MTUS2: variants seen among roughly 807,000 people sequenced by gnomAD.
MTUS2 encodes the protein microtubule-associated tumor suppressor candidate 2.
A neutral mutation model predicts 114.1 loss-of-function variants in MTUS2; 40 were observed. That is an observed-to-expected ratio of 0.35 (90% confidence interval 0.27 to 0.46). The LOEUF (loss-of-function observed/expected upper bound fraction) is 0.46. MTUS2 is among the 20% of genes least tolerant of loss of function. MTUS2 has a pLI of 1.00. For synonymous variants in MTUS2, 688 were observed against 672.0 expected (o/e 1.02, Z -0.37); for missense variants, 1,679 against 1,705.4 (o/e 0.98, Z 0.27).
chr13:29,211,014 G>C (rs942570915), intron 5 of MTUS2, among the ~76,000 whole-genome samples: 1 of 152,086 alleles, frequency 6.6e-6, no homozygotes, highest in Non-Finnish European at 1.5e-5. Flanking sequence ...TTTGGTGATG[G>C]GCAGGGCCAT....
At chr13:29,376,360 T>C (rs1053914799) in intron 8 of MTUS2, among the ~76,000 whole-genome samples, 4 of 152,108 alleles carry the variant, frequency 2.6e-5, no homozygotes, top group African/African-American at 9.7e-5. Flanking sequence ...AACTAGACTG[T>C]GAGAAGTTTG....
intron 5 of MTUS2, among the ~76,000 whole-genome samples, chr13:29,129,157 G>T (rs1891645678): frequency 6.7e-6 from 1 of 149,922 alleles, no homozygotes; most frequent in Admixed American, 6.7e-5. Flanking sequence ...ATATATTCAG[G>T]TATTGGAATG....
intron 2 of MTUS2, among the ~76,000 whole-genome samples, chr13:28,951,287 GATAGT>G (rs879830956): frequency 9.2e-5 from 14 of 152,220 alleles, no homozygotes; most frequent in Non-Finnish European, 1.6e-4. Context: ...GATTACTTTG[GATAGT>G]ATTGACATCT....
intron 9 of MTUS2, among the ~76,000 whole-genome samples, chr13:29,441,549 A>ATGTGGCCG (rs1390855569): frequency 6.1e-5 from 1 of 16,500 alleles, no homozygotes; most frequent in Admixed American, 8.6e-4. Context: ...TTCTTCACCA[A>ATGTGGCCG]TGTGGCCACG....
intron 6 of MTUS2, among the ~76,000 whole-genome samples, chr13:29,316,728 A>G (rs1900005674): frequency 2.0e-5 from 3 of 152,194 alleles, no homozygotes; most frequent in African/African-American, 7.2e-5. Flanking sequence ...CAGATATGTT[A>G]CAAACTCCGT....
chr13:28,935,759 A>ATT (rs1020896980), intron 2 of MTUS2, among the ~76,000 whole-genome samples: 1 of 147,312 alleles, frequency 6.8e-6, no homozygotes, highest in African/African-American at 2.5e-5. Flanking sequence ...GACCAGGCTC[A>ATT]TTTTTTTTTT....
At chr13:28,984,170 G>T (rs1884476701) in intron 2 of MTUS2, among the ~76,000 whole-genome samples, 2 of 152,200 alleles carry the variant, frequency 1.3e-5, no homozygotes, top group Admixed American at 1.3e-4. Flanking sequence ...GAACTTTGCT[G>T]AATTCTGCAT....
chr13:29,379,051 A>G (rs1871981029), intron 8 of MTUS2, among the ~76,000 whole-genome samples: 1 of 152,156 alleles, frequency 6.6e-6, no homozygotes, highest in Non-Finnish European at 1.5e-5. Flanking sequence ...TCCTGCTGCC[A>G]TGTGAAGAAG....
At chr13:29,488,887 G>A (rs968070572) in intron 11 of MTUS2, among the ~76,000 whole-genome samples, 1 of 152,230 alleles carries the variant, frequency 6.6e-6, no homozygotes, top group Non-Finnish European at 1.5e-5. Context: ...CTTTGTGAAA[G>A]AGGCAGCATT....
rs769865187 is a variant in MTUS2 at position 29,067,089 on chromosome 13, A to G, written c.2446+32964A>G. On this transcript the variant is annotated intron_variant, in intron 4 of 15. Coordinates refer to ENST00000612955, the MANE Select transcript of MTUS2 (RefSeq NM_001033602.4). The stretch of plus-strand genomic sequence containing the variant: ...GTGGTGGAAGATAGTTGTTTGACAC[A>G]TGCAGAGTTTGAGGTTCCTAAGGGA... Among the ~76,000 whole-genome samples, 56 of 152,316 alleles carry G rather than the reference A, an allele frequency of 3.7e-4. 1 individual carries two copies. Among genetic ancestry groups the G allele is most frequent in the Admixed American group, 1.1e-3 (17 of 15,292 alleles).
At chr13:29,284,147 C>A (rs143051175) in intron 6 of MTUS2, among the ~76,000 whole-genome samples, 2 of 152,202 alleles carry the variant, frequency 1.3e-5, no homozygotes, top group African/African-American at 4.8e-5. Flanking sequence ...AGACTGAAAA[C>A]AACTCAAATG....
chr13:29,357,757 A>C (rs558471083), intron 7 of MTUS2, among the ~76,000 whole-genome samples: 58 of 152,236 alleles, frequency 3.8e-4, no homozygotes, highest in Non-Finnish European at 7.6e-4. Flanking sequence ...GTGATTTCAC[A>C]TTCTCCTATT....
At chr13:28,955,979 G>A (rs1017115546) in intron 2 of MTUS2, among the ~76,000 whole-genome samples, 14 of 151,500 alleles carry the variant, frequency 9.2e-5, no homozygotes, top group African/African-American at 2.9e-4. Flanking sequence ...TTCTTTAGTG[G>A]TGATTTGTGA....
chr13:29,362,429 A>G (rs1480956304), intron 8 of MTUS2, among the ~76,000 whole-genome samples: 1 of 152,212 alleles, frequency 6.6e-6, no homozygotes, highest in Non-Finnish European at 1.5e-5. Flanking sequence ...TTGGCCTGGA[A>G]TGTACTTTAA....
intron 5 of MTUS2, among the ~76,000 whole-genome samples, chr13:29,252,504 G>T (rs59143325): frequency 0.048 from 7,275 of 152,198 alleles, 565 homozygotes; most frequent in African/African-American, 0.17. Flanking sequence ...GGAGGCAGGG[G>T]AGGACACATG....
chr13:28,907,317 A>G (rs1401034222), intron 2 of MTUS2, among the ~76,000 whole-genome samples: 3 of 151,746 alleles, frequency 2.0e-5, no homozygotes, highest in Non-Finnish European at 4.4e-5. Flanking sequence ...TATAAAGACC[A>G]TTAAGGCTAG....
At chr13:29,419,588 C>G (rs1255781116) in intron 8 of MTUS2, among the ~76,000 whole-genome samples, 1 of 152,148 alleles carries the variant, frequency 6.6e-6, no homozygotes, top group East Asian at 1.9e-4. Context: ...TCACGGGCTC[C>G]CATTCTTTCC....
At chr13:29,350,903 C>A (rs1181585450) in intron 7 of MTUS2, among the ~76,000 whole-genome samples, 1 of 150,372 alleles carries the variant, frequency 6.7e-6, no homozygotes, top group Non-Finnish European at 1.5e-5. Context: ...CTAATCACTT[C>A]CCAAAGGCCC....
intron 5 of MTUS2, among the ~76,000 whole-genome samples, chr13:29,152,137 G>A (rs1566034975): frequency 6.6e-6 from 1 of 151,996 alleles, no homozygotes; most frequent in South Asian, 2.1e-4. Context: ...TGTGTGTCTG[G>A]TAGAATTCAC....
Sources: allele counts gnomAD v4.1 joint callset (sites outside exome capture counted in the v4.1 genomes callset), GRCh38; gene constraint gnomAD v4.1.1; transcripts MANE v1.5; gene names NCBI Gene and HGNC (gene_info 2026-07-23, HGNC 2026-07-21).